Variants in GABRB1 observed in about 807,000 individuals in gnomAD.
The protein encoded by GABRB1 is gamma-aminobutyric acid receptor subunit beta-1.
Under a neutral mutation model 51.6 loss-of-function variants are expected in GABRB1, and 17 were observed. The observed-to-expected ratio is 0.33, with a 90% CI of 0.23 to 0.49. The LOEUF (loss-of-function observed/expected upper bound fraction) is 0.49. Ranked by LOEUF, GABRB1 falls within the 20% of genes least tolerant of loss-of-function variation. The pLI, the probability that GABRB1 is intolerant of heterozygous loss-of-function variation, is 0.99. For missense variants in GABRB1, 410 were observed against 600.6 expected (o/e 0.68, Z 3.32); for synonymous variants, 247 against 218.9 (o/e 1.13, Z -1.14).
intron 4 of GABRB1, among the ~76,000 whole-genome samples, chr4:47,185,456 G>A (rs1266268516): frequency 2.6e-5 from 4 of 151,794 alleles, no homozygotes; most frequent in Admixed American, 6.6e-5. Flanking sequence ...CATGAAATCA[G>A]TCACATGCAG....
chr4:47,032,285 C>A, intron 2 of GABRB1, 132 bp from the exon 3 acceptor site: 4 of 891,844 alleles, frequency 4.5e-6, no homozygotes, highest in South Asian at 1.6e-5. Flanking sequence ...AGGCAGTCCC[C>A]TGAAAGGGGT....
intron 1 of GABRB1, among the ~76,000 whole-genome samples, chr4:47,019,212 G>A (rs559930271): frequency 1.3e-5 from 2 of 151,910 alleles, no homozygotes; most frequent in South Asian, 2.1e-4. Context: ...CTAGATGCTC[G>A]GCCCTTTTCC....
intron 5 of GABRB1, among the ~76,000 whole-genome samples, chr4:47,341,087 AC>A (rs1279392469): frequency 4.6e-5 from 7 of 152,118 alleles, no homozygotes; most frequent in Non-Finnish European, 1.0e-4. Flanking sequence ...ACAGAGAAGG[AC>A]CCAGCCCTTG....
intron 4 of GABRB1, among the ~76,000 whole-genome samples, chr4:47,211,551 G>A (rs1720359632): frequency 6.6e-6 from 1 of 152,190 alleles, no homozygotes; most frequent in Non-Finnish European, 1.5e-5. Context: ...ATGACTGAAA[G>A]GGGATGGTGT....
rs770761543 is a variant in GABRB1 at position 47,032,558 on chromosome 4, C to A, written c.240+74C>A. 9.1e-6 allele frequency: 13 copies of A among 1,435,476 alleles called. No homozygotes were observed. In the South Asian group the frequency reaches 1.0e-4, roughly 11 times the overall value. The allele number at this position is 1,435,476 out of a possible 1,614,324, so 88.9% of individuals were successfully genotyped here. On this transcript the variant is annotated intron_variant, in intron 3 of 8. Transcript: ENST00000295454. Reference sequence around the variant, plus strand: ...AATGGACAGGTCCCTTTGCCCTCTGCGTTTCATTGGCGGTCACCTCGCCCC... The same window carrying A: ...AATGGACAGGTCCCTTTGCCCTCTGAGTTTCATTGGCGGTCACCTCGCCCC...
intron 4 of GABRB1, among the ~76,000 whole-genome samples, chr4:47,167,987 C>T (rs1461585617): frequency 2.0e-5 from 3 of 152,062 alleles, no homozygotes; most frequent in Non-Finnish European, 2.9e-5. Context: ...CCTTCCATTC[C>T]AATACTGCTC....
At chr4:47,008,367 AT>A (rs1222018141) in intron 1 of GABRB1, among the ~76,000 whole-genome samples, 1 of 152,176 alleles carries the variant, frequency 6.6e-6, no homozygotes, top group Non-Finnish European at 1.5e-5. Context: ...CAAAGAAATA[AT>A]AGAAGAGAGT....
At chr4:47,182,217 A>G (rs1718981433) in intron 4 of GABRB1, among the ~76,000 whole-genome samples, 1 of 151,960 alleles carries the variant, frequency 6.6e-6, no homozygotes, top group East Asian at 1.9e-4. Context: ...TCAGAAAAGC[A>G]TGAGAGAAAT....
intron 4 of GABRB1, among the ~76,000 whole-genome samples, chr4:47,300,397 A>G (rs1724212674): frequency 6.6e-6 from 1 of 152,186 alleles, no homozygotes; most frequent in South Asian, 2.1e-4. Flanking sequence ...ACATATCACA[A>G]AACGTAATTA....
At chr4:47,425,050 A>G (rs1194275335) in intron 8 of GABRB1, among the ~76,000 whole-genome samples, 1 of 152,266 alleles carries the variant, frequency 6.6e-6, no homozygotes, top group Non-Finnish European at 1.5e-5. Context: ...CTTGTCTATA[A>G]TACTACAAAG....
intron 3 of GABRB1, among the ~76,000 whole-genome samples, chr4:47,104,986 T>C (rs143801307): frequency 9.1e-4 from 138 of 152,206 alleles, no homozygotes; most frequent in Non-Finnish European, 4.4e-4. Flanking sequence ...TTTTTGCTTC[T>C]TTGTGCATCT....
At chr4:47,369,689 G>A (rs1309197856) in intron 5 of GABRB1, among the ~76,000 whole-genome samples, 1 of 152,110 alleles carries the variant, frequency 6.6e-6, no homozygotes, top group African/African-American at 2.4e-5. Flanking sequence ...AACTAAGGAA[G>A]CCAATTTCCA....
chr4:47,178,783 G>T (rs1226560185), intron 4 of GABRB1, among the ~76,000 whole-genome samples: 1 of 152,018 alleles, frequency 6.6e-6, no homozygotes, highest in Non-Finnish European at 1.5e-5. Flanking sequence ...TTTATTTCCT[G>T]CTAAGAAGCT....
At chr4:47,003,063 C>T (rs191880335) in intron 1 of GABRB1, among the ~76,000 whole-genome samples, 30 of 137,840 alleles carry the variant, frequency 2.2e-4, no homozygotes, top group Non-Finnish European at 8.0e-5. Context: ...CCAAATCACT[C>T]CTATTTGCTT....
At chr4:47,343,715 G>C (rs1440065565) in intron 5 of GABRB1, among the ~76,000 whole-genome samples, 1 of 152,238 alleles carries the variant, frequency 6.6e-6, no homozygotes, top group South Asian at 2.1e-4. Context: ...TTAGGCCTGT[G>C]CTCACTAGAG....
intron 3 of GABRB1, among the ~76,000 whole-genome samples, chr4:47,097,665 A>ATAG (rs1404109011): frequency 6.6e-6 from 1 of 152,238 alleles, no homozygotes; most frequent in Non-Finnish European, 1.5e-5. Context: ...TGCTTGGCAC[A>ATAG]TAGTAGGTGC....
chr4:47,157,365 G>A (rs79380726), intron 3 of GABRB1, among the ~76,000 whole-genome samples: 2,500 of 152,188 alleles, frequency 0.016, 59 homozygotes, highest in African/African-American at 0.058. Flanking sequence ...AAAACTTGTT[G>A]TGTAAGAGAA....
chr4:47,193,065 GC>G (rs1719508313), intron 4 of GABRB1, among the ~76,000 whole-genome samples: 1 of 152,174 alleles, frequency 6.6e-6, no homozygotes, highest in Admixed American at 6.5e-5. Context: ...CATGAAGCTA[GC>G]ACTATAGAAA....
intron 4 of GABRB1, among the ~76,000 whole-genome samples, chr4:47,224,288 C>A (rs532499419): frequency 9.2e-4 from 140 of 151,996 alleles, no homozygotes; most frequent in South Asian, 3.1e-3. Flanking sequence ...CCTATGTTTA[C>A]CTGCTTATTA....
Sources: allele counts gnomAD v4.1 joint callset (sites outside exome capture counted in the v4.1 genomes callset), GRCh38; gene constraint gnomAD v4.1.1; transcripts MANE v1.5; gene names NCBI Gene and HGNC (gene_info 2026-07-23, HGNC 2026-07-21).